FRAS1: variants seen among roughly 807,000 people sequenced by gnomAD.
The protein encoded by FRAS1 is Fraser extracellular matrix complex subunit 1, also known as extracellular matrix organizing protein FRAS1.
A neutral mutation model predicts 435.2 loss-of-function variants in FRAS1; 290 were observed. The observed-to-expected ratio is 0.67, with a 90% CI of 0.61 to 0.73. The LOEUF (loss-of-function observed/expected upper bound fraction) is 0.73, where lower values mean the gene tolerates loss of function less well. Ranked by LOEUF, FRAS1 falls within the 30% of genes least tolerant of loss-of-function variation. The pLI is 0.00. For synonymous variants in FRAS1, 1,800 were observed against 1,851.0 expected (o/e 0.97, Z 0.71); for missense variants, 4,860 against 5,001.5 (o/e 0.97, Z 0.85).
At chr4:78,468,341 G>A (rs1282258997) in intron 50 of FRAS1, among the ~76,000 whole-genome samples, 1 of 152,106 alleles carries the variant, frequency 6.6e-6, no homozygotes, top group Admixed American at 6.6e-5. Flanking sequence ...TGTACAAACT[G>A]AATATACTTG....
intron 2 of FRAS1, among the ~76,000 whole-genome samples, chr4:78,235,986 A>G (rs1323929856): frequency 6.6e-6 from 1 of 152,176 alleles, no homozygotes; most frequent in Non-Finnish European, 1.5e-5. Flanking sequence ...TGCATGCAGG[A>G]AAAAGTGAGG....
At chr4:78,142,200 C>T (rs1720223674) in intron 2 of FRAS1, among the ~76,000 whole-genome samples, 1 of 151,936 alleles carries the variant, frequency 6.6e-6, no homozygotes, top group Admixed American at 6.6e-5. Flanking sequence ...CGTTTGAGAA[C>T]TTGAAGGGCT....
chr4:78,248,824 A>G (rs1006495193), intron 4 of FRAS1, among the ~76,000 whole-genome samples: 8 of 151,720 alleles, frequency 5.3e-5, no homozygotes, highest in Non-Finnish European at 1.2e-4. Context: ...TTGACTATGC[A>G]GGAGAATATA....
chr4:78,298,810 T>C (rs543203656), intron 14 of FRAS1, among the ~76,000 whole-genome samples: 1 of 152,336 alleles, frequency 6.6e-6, no homozygotes, highest in East Asian at 1.9e-4. Context: ...GACATCAGTC[T>C]GGATACTGGG....
chr4:78,173,526 C>A (rs1488036632), intron 2 of FRAS1, among the ~76,000 whole-genome samples: 1 of 152,206 alleles, frequency 6.6e-6, no homozygotes, highest in African/African-American at 2.4e-5. Context: ...TGGGAAGCTC[C>A]CCCATTCCCA....
At position 78,203,106 on chromosome 4, in the gene FRAS1, G is replaced by T. The variant is rs559107993; in HGVS notation, c.109-34404G>T. Among the ~76,000 whole-genome samples, 24 of 152,332 alleles carry T rather than the reference G, an allele frequency of 1.6e-4. No individual in the cohort carries two copies. In the South Asian group the frequency reaches 4.8e-3, roughly 30 times the overall value. On this transcript the variant is annotated intron_variant, in intron 2 of 73. Coordinates refer to ENST00000512123, the MANE Select transcript of FRAS1 (RefSeq NM_025074.7). ...TCATAATGCCAATTTTGGGAGTAAT[G>T]ACTAAAACTTCCCACAGGGTAATTC... is the stretch of plus-strand genomic sequence containing the variant.
chr4:78,440,303 A>G (rs893994099), intron 40 of FRAS1, among the ~76,000 whole-genome samples: 1 of 152,060 alleles, frequency 6.6e-6, no homozygotes, highest in South Asian at 2.1e-4. Flanking sequence ...AAGTGCTGGG[A>G]TTACAGGCGT....
chr4:78,539,293 G>C lies in FRAS1; in HGVS notation c.11299-1G>C. On this transcript the variant is annotated splice_acceptor_variant, in intron 72 of 73. Transcript: ENST00000512123. LOFTEE classifies it high-confidence loss of function. ...TGCATTTCTTTTTTCTGAAATCCTAGGACCGCAATCAGCCAGAGGTAACTG... is the reference window on the plus strand; with the variant it reads ...TGCATTTCTTTTTTCTGAAATCCTACGACCGCAATCAGCCAGAGGTAACTG... The C allele has an allele frequency of 1.2e-6, 2 of 1,600,306 alleles. No homozygotes were observed. Among genetic ancestry groups the C allele is most frequent in the Non-Finnish European group, 1.7e-6 (2 of 1,175,812 alleles).
At chr4:78,540,360 A>G (rs1722009433) in intron 73 of FRAS1, among the ~76,000 whole-genome samples, 171 bp from the exon 74 acceptor site, 1 of 152,274 alleles carries the variant, frequency 6.6e-6, no homozygotes, top group South Asian at 2.1e-4. Context: ...GAAATAAAAT[A>G]GAACCCATAT....
At chr4:78,116,108 A>G (rs545080618) in intron 2 of FRAS1, among the ~76,000 whole-genome samples, 8 of 152,318 alleles carry the variant, frequency 5.3e-5, no homozygotes, top group African/African-American at 1.7e-4. Context: ...ATTCAGGAGC[A>G]GGTTATTCAT....
chr4:78,086,193 T>G (rs1188963667), intron 2 of FRAS1, among the ~76,000 whole-genome samples: 1 of 152,034 alleles, frequency 6.6e-6, no homozygotes, highest in African/African-American at 2.4e-5. Flanking sequence ...CATAACGAAA[T>G]GAAGGCAGAA....
intron 19 of FRAS1, 49 bp from the exon 20 acceptor site, chr4:78,337,625 A>T: frequency 2.5e-6 from 4 of 1,586,486 alleles, no homozygotes; most frequent in Non-Finnish European, 3.4e-6. Flanking sequence ...CTTCACGCAT[A>T]TACATGCTGA....
At chr4:78,103,495 GT>G (rs1324204673) in intron 2 of FRAS1, among the ~76,000 whole-genome samples, 1 of 152,148 alleles carries the variant, frequency 6.6e-6, no homozygotes, top group African/African-American at 2.4e-5. Flanking sequence ...TAGCAGGGAT[GT>G]GCATTTATGA....
At chr4:78,146,060 A>T (rs960500885) in intron 2 of FRAS1, among the ~76,000 whole-genome samples, 1 of 152,162 alleles carries the variant, frequency 6.6e-6, no homozygotes, top group African/African-American at 2.4e-5. Context: ...GTATTTCTTT[A>T]TGGCAGCATG....
intron 33 of FRAS1, among the ~76,000 whole-genome samples, chr4:78,421,008 G>A (rs183203855): frequency 1.1e-3 from 171 of 150,794 alleles, no homozygotes; most frequent in African/African-American, 4.0e-3. Flanking sequence ...AGCAAGGACA[G>A]GCAGTTTGAC....
chr4:78,138,801 A>C (rs1453312531), intron 2 of FRAS1, among the ~76,000 whole-genome samples: 1 of 152,210 alleles, frequency 6.6e-6, no homozygotes, highest in Non-Finnish European at 1.5e-5. Context: ...CAGAGTAAGC[A>C]TTTGACAAAT....
rs114771888 is a variant in FRAS1 at position 78,499,439 on chromosome 4, A to T, written c.9116-282A>T. Among the ~76,000 whole-genome samples, 1,243 of 152,310 alleles carry T rather than the reference A, an allele frequency of 8.2e-3. 19 individuals are homozygous for T. Among genetic ancestry groups the T allele is most frequent in the African/African-American group, 0.029 (1,189 of 41,558 alleles). On this transcript the variant is annotated intron_variant, in intron 60 of 73. Coordinates refer to ENST00000512123, the MANE Select transcript of FRAS1 (RefSeq NM_025074.7). ...GTAGTGCCGAGTTGGAAACTTGGACATCATGAATTTCAAAGTCTCTACAAA... is the reference window on the plus strand; with the variant it reads ...GTAGTGCCGAGTTGGAAACTTGGACTTCATGAATTTCAAAGTCTCTACAAA...
At chr4:78,260,597 T>A (rs963017674) in intron 6 of FRAS1, among the ~76,000 whole-genome samples, 9 of 151,932 alleles carry the variant, frequency 5.9e-5, no homozygotes, top group Non-Finnish European at 1.3e-4. Flanking sequence ...CTTAAGGAGA[T>A]TTTGGGCTGA....
intron 2 of FRAS1, among the ~76,000 whole-genome samples, chr4:78,121,296 G>T (rs1329450581): frequency 2.0e-5 from 3 of 152,182 alleles, no homozygotes; most frequent in Non-Finnish European, 4.4e-5. Context: ...GAACTATTTG[G>T]TCTGGTGCCT....
Sources: allele counts gnomAD v4.1 joint callset (sites outside exome capture counted in the v4.1 genomes callset), GRCh38; gene constraint gnomAD v4.1.1; transcripts MANE v1.5; gene names NCBI Gene and HGNC (gene_info 2026-07-23, HGNC 2026-07-21).